The following NCKAP5 variants were observed in gnomAD, a reference collection of about 807,000 sequenced individuals.
NCKAP5 encodes the protein nck-associated protein 5.
Under a neutral mutation model 167.0 loss-of-function variants are expected in NCKAP5, and 92 were observed. The ratio of observed to expected loss-of-function variants is 0.55; its 90% CI spans 0.47 to 0.66. The LOEUF (loss-of-function observed/expected upper bound fraction) is 0.66. Ranked by LOEUF, NCKAP5 falls within the 30% of genes least tolerant of loss-of-function variation. The probability of loss-of-function intolerance (pLI) is 0.00; values close to 1 mark genes in which losing one functional copy is unlikely to be tolerated. For synonymous variants in NCKAP5, 891 were observed against 877.4 expected, an observed-to-expected ratio of 1.02 and a Z score of -0.27; for missense variants, 2,378 against 2,315.0, an observed-to-expected ratio of 1.03 and a Z score of -0.56.
intron 3 of NCKAP5, among the ~76,000 whole-genome samples, chr2:133,450,445 T>C (rs1008286362): frequency 1.3e-5 from 2 of 152,158 alleles, no homozygotes; most frequent in African/African-American, 4.8e-5. Context: ...TATGGTAACA[T>C]TACGTTTTTA....
At chr2:133,192,111 G>T (rs1294836775) in intron 5 of NCKAP5, among the ~76,000 whole-genome samples, 1 of 151,916 alleles carries the variant, frequency 6.6e-6, no homozygotes, top group Non-Finnish European at 1.5e-5. Context: ...TAGATAAATG[G>T]GACCCAATAA....
At chr2:133,444,701 G>A (rs1433655659) in intron 3 of NCKAP5, among the ~76,000 whole-genome samples, 1 of 152,156 alleles carries the variant, frequency 6.6e-6, no homozygotes, top group East Asian at 1.9e-4. Flanking sequence ...CTTGCACTCT[G>A]ATCTTTGCTT....
At chr2:132,890,860 T>A (rs747260315) in intron 8 of NCKAP5, among the ~76,000 whole-genome samples, 2 of 152,174 alleles carry the variant, frequency 1.3e-5, no homozygotes, top group Non-Finnish European at 1.5e-5. Flanking sequence ...GAGGCAAATG[T>A]TATCATCCTA....
At chr2:132,864,075 A>T (rs549430732) in intron 10 of NCKAP5, among the ~76,000 whole-genome samples, 2 of 152,154 alleles carry the variant, frequency 1.3e-5, no homozygotes. Flanking sequence ...CAGAGGCAAG[A>T]CCCAGAACAG....
Position 132,785,198 on chromosome 2 carries a change from G to C in NCKAP5, c.1613C>G (p.Thr538Arg), listed in dbSNP as rs1446472847. ...TAAGGGACAGCTGCTGGCGCAACTT[G>C]TCAGCTTTTCAGGCCTTTCCTTGGG... ...VYPKERPEKL[T>R]SCASSCPLEM... Residue 538 changes from threonine to arginine, a missense_variant, in exon 14 of 20, where the codon ACA (threonine) becomes AGA (arginine). By Grantham distance (71) the Thr-to-Arg change is moderately conservative. Transcript: ENST00000409261. 6.3e-7 allele frequency: 1 copy of C among 1,577,514 alleles called. No individual in the cohort carries two copies. The highest frequency in any genetic ancestry group is 2.2e-5 in the East Asian group (1 of 44,606).
intron 3 of NCKAP5, among the ~76,000 whole-genome samples, chr2:133,372,762 C>G (rs992737912): frequency 1.3e-5 from 2 of 152,158 alleles, no homozygotes; most frequent in African/African-American, 4.8e-5. Context: ...CTAATGGTTA[C>G]TTTTCCTTTC....
chr2:133,064,432 T>C (rs187377300), intron 6 of NCKAP5, among the ~76,000 whole-genome samples: 16 of 152,150 alleles, frequency 1.1e-4, no homozygotes, highest in Non-Finnish European at 1.6e-4. Context: ...GAAAGAATGC[T>C]GAACTGAAAA....
chr2:133,178,855 C>T (rs1206377340), intron 5 of NCKAP5, among the ~76,000 whole-genome samples: 1 of 146,232 alleles, frequency 6.8e-6, no homozygotes, highest in African/African-American at 2.5e-5. Flanking sequence ...AAAAAAAAAC[C>T]CAGGTCTCTC....
At chr2:133,109,057 T>A (rs1257504399) in intron 6 of NCKAP5, among the ~76,000 whole-genome samples, 1 of 152,220 alleles carries the variant, frequency 6.6e-6, no homozygotes, top group African/African-American at 2.4e-5. Flanking sequence ...CCATTCCCTC[T>A]CGGGCTAATT....
At chr2:132,766,675 T>C (rs924947633) in intron 16 of NCKAP5, among the ~76,000 whole-genome samples, 2 of 152,224 alleles carry the variant, frequency 1.3e-5, no homozygotes, top group East Asian at 1.9e-4. Flanking sequence ...TCTTGTTCTC[T>C]ATAGAAGTGA....
the NCKAP5 span, among the ~76,000 whole-genome samples, chr2:133,652,431 A>C: frequency 6.6e-6 from 1 of 152,234 alleles, no homozygotes; most frequent in African/African-American, 2.4e-5. Context: ...AGACTTACAA[A>C]TAAAACAGTG....
intron 3 of NCKAP5, among the ~76,000 whole-genome samples, chr2:133,411,622 C>G (rs1688779838): frequency 1.3e-5 from 2 of 152,092 alleles, no homozygotes; most frequent in South Asian, 4.2e-4. Context: ...CTAGCAGCAG[C>G]ATGAAACTGA....
chr2:133,671,236 A>G, the NCKAP5 span, among the ~76,000 whole-genome samples: 193 of 150,796 alleles, frequency 1.3e-3, no homozygotes, highest in Middle Eastern at 3.4e-3. Context: ...AAAAAAAAAA[A>G]AAAGAAAGAA....
At chr2:133,154,870 G>A (rs548887526) in intron 5 of NCKAP5, among the ~76,000 whole-genome samples, 3 of 152,186 alleles carry the variant, frequency 2.0e-5, no homozygotes, top group Non-Finnish European at 4.4e-5. Context: ...AGCAGTGAGA[G>A]TTCAAAATAT....
chr2:132,980,429 G>A (rs1026855808), intron 7 of NCKAP5, among the ~76,000 whole-genome samples: 2 of 152,064 alleles, frequency 1.3e-5, no homozygotes, highest in African/African-American at 4.8e-5. Flanking sequence ...GTTTTGTTTT[G>A]TTTTTAACTC....
At chr2:133,485,285 T>TC (rs1236684609) in intron 3 of NCKAP5, among the ~76,000 whole-genome samples, 1 of 152,040 alleles carries the variant, frequency 6.6e-6, no homozygotes, top group African/African-American at 2.4e-5. Context: ...GAGTCTTTCC[T>TC]CCCCCCGACA....
intron 4 of NCKAP5, among the ~76,000 whole-genome samples, chr2:133,279,052 A>G (rs868858119): frequency 1.3e-5 from 2 of 152,238 alleles, no homozygotes; most frequent in Admixed American, 1.3e-4. Flanking sequence ...AGTCTTATAC[A>G]TTGCTGGTAG....
At chr2:133,298,445 T>C (rs1048765414) in intron 4 of NCKAP5, among the ~76,000 whole-genome samples, 3 of 152,268 alleles carry the variant, frequency 2.0e-5, no homozygotes, top group African/African-American at 7.2e-5. Flanking sequence ...GTACAGAAAA[T>C]TCTAAGCTCT....
At chr2:133,173,348 C>T (rs1238677981) in intron 5 of NCKAP5, among the ~76,000 whole-genome samples, 1 of 152,152 alleles carries the variant, frequency 6.6e-6, no homozygotes, top group East Asian at 1.9e-4. Context: ...AAAGTCTCTC[C>T]TTGACTGAAC....
Sources: gnomAD v4.1 joint callset for allele counts (sites outside exome capture counted in the v4.1 genomes callset) on GRCh38, gnomAD v4.1.1 for gene constraint, MANE v1.5 for transcripts, NCBI Gene and HGNC (gene_info 2026-07-23, HGNC 2026-07-21) for gene names.